Variants in PHC3 observed in about 807,000 individuals in gnomAD.
PHC3 encodes polyhomeotic homolog 3.
PHC3 carries 13 observed loss-of-function variants against 107.4 expected under a neutral mutation model. That is an observed-to-expected ratio of 0.12 (90% CI 0.08 to 0.19). PHC3 has a LOEUF of 0.19. PHC3 is among the 10% of genes least tolerant of loss of function. PHC3 has a pLI of 1.00. For synonymous variants in PHC3, 456 were observed against 427.4 expected, an observed-to-expected ratio of 1.07 and a Z score of -0.83; for missense variants, 992 against 1,210.9, an observed-to-expected ratio of 0.82 and a Z score of 2.68.
At position 170,088,789 on chromosome 3, in the gene PHC3, T is replaced by C. The variant is rs577348232; in HGVS notation, c.*8441A>G. The stretch of plus-strand genomic sequence containing the variant: ...CCAGATTATCTGGCTACTTAGATGA[T>C]AGTCTTCCTGTTTTCAATTAGTTTG... On this transcript the variant is annotated 3_prime_UTR_variant, in exon 15 of 15. Transcript: ENST00000495893. The C allele has an allele frequency of 8.5e-5, 13 of 152,400 alleles. No homozygotes were observed. Among genetic ancestry groups the C allele is most frequent in the African/African-American group, 2.6e-4 (11 of 41,590 alleles). The allele number at this position is 152,400 out of a possible 1,614,324, so 9.4% of individuals were successfully genotyped here. A position where few individuals can be genotyped will look rare whatever the true frequency, so the allele number is the denominator to read the frequency against.
At chr3:170,140,643 G>T (rs1723930186) in intron 6 of PHC3, among the ~76,000 whole-genome samples, 2 of 133,690 alleles carry the variant, frequency 1.5e-5, no homozygotes, top group South Asian at 5.1e-4. Context: ...ACCCACGCCG[G>T]ACTGTAGTGG....
intron 8 of PHC3, among the ~76,000 whole-genome samples, chr3:170,125,552 G>A (rs1721112023): frequency 6.6e-6 from 1 of 152,130 alleles, no homozygotes; most frequent in South Asian, 2.1e-4. Flanking sequence ...ATCTGCTAGA[G>A]TATCTTTTAA....
intron 8 of PHC3, chr3:170,125,872 T>A: frequency 2.1e-6 from 1 of 482,164 alleles, no homozygotes; most frequent in South Asian, 8.9e-5. Flanking sequence ...TTTTGCTCAC[T>A]CACAAGATCA....
intron 7 of PHC3, among the ~76,000 whole-genome samples, chr3:170,129,978 C>T (rs769455470): frequency 6.6e-6 from 1 of 152,160 alleles, no homozygotes; most frequent in Non-Finnish European, 1.5e-5. Flanking sequence ...GGATTACTAG[C>T]GTGAGCCATC....
chr3:170,107,967 T>C (rs547381092), intron 11 of PHC3, among the ~76,000 whole-genome samples: 9 of 152,302 alleles, frequency 5.9e-5, no homozygotes, highest in Middle Eastern at 3.4e-3. Context: ...GGCAATTATA[T>C]GTGTGCCCAA....
At chr3:170,101,533 G>T (rs1405486336) in intron 14 of PHC3, among the ~76,000 whole-genome samples, 2 of 152,112 alleles carry the variant, frequency 1.3e-5, no homozygotes, top group South Asian at 2.1e-4. Context: ...TAGAAAGCTT[G>T]TATCAAGAGA....
Position 170,178,832 on chromosome 3 carries a change from A to G in PHC3, c.121T>C (p.Ser41Pro). 1 of 1,613,938 alleles carries G rather than the reference A, an allele frequency of 6.2e-7. No homozygotes were observed. The highest frequency in any genetic ancestry group is 8.5e-7 in the Non-Finnish European group (1 of 1,179,892). ...GAGATCTGTGGCTGCTGCATTCGAG[A>G]GGAGGAAGTGGTGATGGTGGTGGTG... ...TTTTTITTSS[S>P]RMQQPQISVY... The change falls in exon 2 of 15, where the codon TCT (serine) becomes CCT (proline). Residue 41 changes from serine (S) to proline (P), a missense_variant. Coordinates refer to ENST00000495893, the MANE Select transcript of PHC3 (RefSeq NM_024947.4).
chr3:170,152,583 A>G (rs1726183483), intron 4 of PHC3, among the ~76,000 whole-genome samples: 1 of 151,714 alleles, frequency 6.6e-6, no homozygotes, highest in South Asian at 2.1e-4. Context: ...ATCTTTTCAG[A>G]CCATTCCCTC....
At chr3:170,169,935 G>A (rs1729332123) in intron 4 of PHC3, 1 of 151,932 alleles carries the variant, frequency 6.6e-6, no homozygotes, top group South Asian at 2.1e-4. Flanking sequence ...CAGTATTAAT[G>A]CTTAAGAGCT....
At chr3:170,123,772 A>G (rs142521788) in intron 8 of PHC3, among the ~76,000 whole-genome samples, 1,847 of 152,002 alleles carry the variant, frequency 0.012, 39 homozygotes, top group African/African-American at 0.042. Context: ...CAGCCTGGGT[A>G]ACAGAGTGAG....
In PHC3 at chr3:170,102,619, C is replaced by T; in HGVS notation, c.2693G>A (p.Ser898Asn). The T allele has an allele frequency of 6.2e-7, 1 of 1,614,018 alleles. No individual in the cohort carries two copies. Among genetic ancestry groups the T allele is most frequent in the Non-Finnish European group, 8.5e-7 (1 of 1,179,872 alleles). ...SAMTTRLRRQ[S>N]ERERERELRD... is the part of the protein sequence containing the mutation. ...AAGCTCACGTTCTCTTTCCCGCTCG[C>T]TCTGCCTGCGCAGACGAGTTGTCAT... The change falls in exon 14 of 15, where the codon AGC (serine) becomes AAC (asparagine). Residue 898 changes from serine (S) to asparagine (N), a missense_variant. Coordinates refer to ENST00000495893, the MANE Select transcript of PHC3 (RefSeq NM_024947.4).
At chr3:170,172,455 G>T in intron 3 of PHC3, 102 bp downstream of exon 3, 2 of 1,266,480 alleles carry the variant, frequency 1.6e-6, no homozygotes, top group Non-Finnish European at 2.2e-6. Flanking sequence ...AATAACCACA[G>T]GACATCTGAG....
At chr3:170,110,785 A>G (rs1290650918) in intron 11 of PHC3, among the ~76,000 whole-genome samples, 2 of 152,242 alleles carry the variant, frequency 1.3e-5, no homozygotes, top group Non-Finnish European at 2.9e-5. Flanking sequence ...TAAACTGAGG[A>G]TCACACTATA....
At chr3:170,124,435 T>C (rs1036694960) in intron 8 of PHC3, among the ~76,000 whole-genome samples, 2 of 152,128 alleles carry the variant, frequency 1.3e-5, no homozygotes, top group Non-Finnish European at 2.9e-5. Flanking sequence ...CAGGCTGGAG[T>C]GCAGTGGCTC....
chr3:170,153,395 C>A (rs1187462747), intron 4 of PHC3, among the ~76,000 whole-genome samples: 2 of 152,154 alleles, frequency 1.3e-5, no homozygotes, highest in Non-Finnish European at 2.9e-5. Context: ...CAAACTGATA[C>A]CTCTTACTGG....
chr3:170,159,251 C>CAAAAAAAAAAAAA (rs1278767405), intron 4 of PHC3, among the ~76,000 whole-genome samples: 1 of 69,568 alleles, frequency 1.4e-5, no homozygotes, highest in African/African-American at 4.7e-5. Context: ...GACTCGGTCT[C>CAAAAAAAAAAAAA]AAAAAAAAAA....
intron 6 of PHC3, among the ~76,000 whole-genome samples, chr3:170,138,689 CAAAA>C (rs11284597): frequency 1.2e-5 from 1 of 81,312 alleles, no homozygotes; most frequent in Non-Finnish European, 2.5e-5. Flanking sequence ...GACTCTGTCT[CAAAA>C]AAAAAAAAAA....
chr3:170,152,113 G>C (rs894973264), intron 4 of PHC3, among the ~76,000 whole-genome samples: 3 of 151,826 alleles, frequency 2.0e-5, no homozygotes, highest in Non-Finnish European at 2.9e-5. Context: ...ATAAATCAAT[G>C]CATAAATACC....
chr3:170,088,099 G>C lies in PHC3; in HGVS notation c.*9131C>G, dbSNP rs544681167. The C allele has an allele frequency of 6.6e-6, 1 of 152,198 alleles. No individual in the cohort carries two copies. The highest frequency in any genetic ancestry group is 2.1e-4 in the South Asian group (1 of 4,824). 9.4% of individuals were successfully genotyped at this position (152,198 alleles called of 1,614,324 possible). A position where few individuals can be genotyped will look rare whatever the true frequency, so the allele number is the denominator to read the frequency against. ...AAACTATTTCATTTCTTGTAAGGAGGACTCTAATACAATATCCAATGTAAA... is the reference window on the plus strand; with the variant it reads ...AAACTATTTCATTTCTTGTAAGGAGCACTCTAATACAATATCCAATGTAAA... On this transcript the variant is annotated 3_prime_UTR_variant, in exon 15 of 15. Transcript: ENST00000495893.
Sources: allele counts gnomAD v4.1 joint callset (sites outside exome capture counted in the v4.1 genomes callset), GRCh38; gene constraint gnomAD v4.1.1; transcripts MANE v1.5; gene names NCBI Gene and HGNC (gene_info 2026-07-23, HGNC 2026-07-21).